MGST1: variants seen among roughly 807,000 people sequenced by gnomAD.
The protein encoded by MGST1 is microsomal glutathione S-transferase 1.
A neutral mutation model predicts 8.9 loss-of-function variants in MGST1; 5 were observed. That is an observed-to-expected ratio of 0.56 (90% CI 0.29 to 1.19). MGST1 has a LOEUF of 1.19. Among genes scored for constraint, MGST1 ranks in the 50% most tolerant of loss-of-function variants. MGST1 has a pLI of 0.08. For synonymous variants in MGST1, 54 were observed against 67.8 expected (o/e 0.80, Z 1.00); for missense variants, 182 against 187.4 (o/e 0.97, Z 0.17).
At chr12:16,579,328 C>T (rs765838881) in intron 4 of MGST1, among the ~76,000 whole-genome samples, 6 of 152,162 alleles carry the variant, frequency 3.9e-5, no homozygotes, top group Non-Finnish European at 7.4e-5. Context: ...AGCTGTGTTT[C>T]ACAAGGAGGT....
intron 3 of MGST1, among the ~76,000 whole-genome samples, chr12:16,358,072 A>G (rs1352220781): frequency 6.6e-6 from 1 of 152,220 alleles, no homozygotes; most frequent in Admixed American, 6.5e-5. Context: ...TTTTTGCATA[A>G]GATTCAAAAT....
At chr12:16,570,825 G>T (rs1201558938) in intron 4 of MGST1, among the ~76,000 whole-genome samples, 1 of 152,054 alleles carries the variant, frequency 6.6e-6, no homozygotes, top group African/African-American at 2.4e-5. Flanking sequence ...AATAGGTAAG[G>T]TATTATTTAA....
chr12:16,564,346 G>A (rs567749394), intron 4 of MGST1, among the ~76,000 whole-genome samples: 2 of 152,176 alleles, frequency 1.3e-5, no homozygotes, highest in Admixed American at 6.5e-5. Flanking sequence ...TTTTAAAGGT[G>A]CCAGAACATT....
At position 16,428,683 on chromosome 12, in the gene MGST1, G is replaced by A. The variant is rs1479036948; in HGVS notation, n.779-8705G>A. ...TGCATTATGTCATTTAGTATTATTG[G>A]TTTTGTTGTATAAAAGTATTTTATT... is the stretch of plus-strand genomic sequence containing the variant. On this transcript the variant is annotated intron_variant and non_coding_transcript_variant, in intron 1 of 1. Coordinates refer to the MGST1 transcript ENST00000359720. 3.3e-5 allele frequency among the ~76,000 whole-genome samples: 5 copies of A among 151,694 alleles called. 1 individual carries two copies. Among genetic ancestry groups the A allele is most frequent in the Admixed American group, 3.3e-4 (5 of 15,244 alleles).
At chr12:16,406,898 A>G (rs1382868734) in intron 1 of MGST1, among the ~76,000 whole-genome samples, 1 of 152,182 alleles carries the variant, frequency 6.6e-6, no homozygotes, top group Non-Finnish European at 1.5e-5. Context: ...GCATACAAAC[A>G]TCGACTCAAG....
At chr12:16,430,551 C>T (rs183211133) in intron 1 of MGST1, among the ~76,000 whole-genome samples, 2 of 152,218 alleles carry the variant, frequency 1.3e-5, no homozygotes, top group Admixed American at 1.3e-4. Context: ...TCTACTTACA[C>T]ATCCATCAGA....
intron 4 of MGST1, among the ~76,000 whole-genome samples, chr12:16,464,737 T>G (rs1941242484): frequency 1.3e-5 from 2 of 152,218 alleles, no homozygotes; most frequent in Non-Finnish European, 2.9e-5. Context: ...GGCATGAGGT[T>G]TTAGGTAATA....
chr12:16,416,294 T>C (rs1019936436), intron 1 of MGST1, among the ~76,000 whole-genome samples: 1 of 152,202 alleles, frequency 6.6e-6, no homozygotes, highest in African/African-American at 2.4e-5. Context: ...TGAATGAAGA[T>C]AGTTTGCAAA....
chr12:16,564,162 C>A (rs368901928), intron 4 of MGST1, among the ~76,000 whole-genome samples: 2 of 152,090 alleles, frequency 1.3e-5, no homozygotes, highest in Non-Finnish European at 2.9e-5. Context: ...TAAAAACAGA[C>A]ATGAATATAA....
chr12:16,456,841 C>A (rs2137119647), intron 4 of MGST1, among the ~76,000 whole-genome samples: 1 of 151,956 alleles, frequency 6.6e-6, no homozygotes, highest in South Asian at 2.1e-4. Context: ...GAAATTCTGT[C>A]AATTCAGCTT....
intron 4 of MGST1, among the ~76,000 whole-genome samples, chr12:16,505,042 G>A (rs935272584): frequency 6.6e-6 from 1 of 151,956 alleles, no homozygotes; most frequent in African/African-American, 2.4e-5. Flanking sequence ...TTCTGTTTCT[G>A]TCTCAACAAA....
In MGST1 at chr12:16,410,940, C is replaced by T. The variant is rs1940737573; in HGVS notation, n.779-26448C>T. Among the ~76,000 whole-genome samples, 1 of 152,098 alleles carries T rather than the reference C, an allele frequency of 6.6e-6. No individual in the cohort carries two copies. Among genetic ancestry groups the T allele is most frequent in the African/African-American group, 2.4e-5 (1 of 41,424 alleles). On this transcript the variant is annotated intron_variant and non_coding_transcript_variant, in intron 1 of 1. Coordinates refer to the MGST1 transcript ENST00000359720. This position sits in a 1 kb window ranked among gnomAD's most constrained non-coding sequence, Gnocchi z 4.4. ...CCTATGTTCAATGTTTTGTGTACCT[C>T]ATATTCCATGCTTTTTTCTGACATG... is the stretch of plus-strand genomic sequence containing the variant.
intron 4 of MGST1, among the ~76,000 whole-genome samples, chr12:16,561,954 T>G (rs1942421715): frequency 6.6e-6 from 1 of 152,242 alleles, no homozygotes; most frequent in Non-Finnish European, 1.5e-5. Context: ...AATTCATAAT[T>G]GTTAGACACT....
At position 16,565,285 on chromosome 12, in the gene MGST1, G is replaced by C. The variant is rs141997095; in HGVS notation, n.483-24243G>C. Among the ~76,000 whole-genome samples the C allele has an allele frequency of 2.4e-4, 36 of 152,318 alleles. No individual in the cohort carries two copies. In the East Asian group the frequency reaches 6.4e-3, roughly 27 times the overall value. On this transcript the variant is annotated intron_variant and non_coding_transcript_variant, in intron 4 of 4. Transcript: ENST00000538857. ...TTTATTGAATATGTTTTGTGGGAAG[G>C]AATGAACATTTTCACAGATTGAAGG...
At chr12:16,460,345 C>G (rs1941208948) in intron 4 of MGST1, among the ~76,000 whole-genome samples, 1 of 152,080 alleles carries the variant, frequency 6.6e-6, no homozygotes, top group African/African-American at 2.4e-5. Flanking sequence ...GGAGAGAGTG[C>G]TTGAAGACTT....
chr12:16,400,040 A>C, intron 1 of MGST1: 1 of 1,574,298 alleles, frequency 6.4e-7, no homozygotes, highest in Non-Finnish European at 8.7e-7. Context: ...GGCACTTCAA[A>C]TTCCAGTTCC....
intron 4 of MGST1, among the ~76,000 whole-genome samples, chr12:16,574,413 G>T (rs1417059304): frequency 6.6e-6 from 1 of 152,102 alleles, no homozygotes; most frequent in African/African-American, 2.4e-5. Context: ...TCACGGATTT[G>T]CTGCTCTCCA....
chr12:16,481,295 C>G (rs537156996), intron 4 of MGST1, among the ~76,000 whole-genome samples: 3 of 152,150 alleles, frequency 2.0e-5, no homozygotes, highest in Non-Finnish European at 2.9e-5. Flanking sequence ...GATAGATGCT[C>G]AGGGGAAGCA....
rs1267414361 is a variant in MGST1 at position 16,363,596 on chromosome 12, AG to A, written c.222-198del. 8 of 399,214 alleles carry A rather than the reference AG, an allele frequency of 2.0e-5. No homozygotes were observed. Among genetic ancestry groups the A allele is most frequent in the Admixed American group, 4.1e-5 (1 of 24,242 alleles). 24.7% of individuals were successfully genotyped at this position (399,214 alleles called of 1,614,324 possible). A position where few individuals can be genotyped will look rare whatever the true frequency, so the allele number is the denominator to read the frequency against. ...ATTTAAAGATACACTAAAAATAAAA[AG>A]AAACAGAAATAATGAGAGATTCTAA... On this transcript the variant is annotated intron_variant, in intron 3 of 3. Transcript: ENST00000396210. This position sits in a 1 kb window ranked among gnomAD's most constrained non-coding sequence, Gnocchi z 4.6.
Sources: allele counts gnomAD v4.1 joint callset (sites outside exome capture counted in the v4.1 genomes callset), GRCh38; gene constraint gnomAD v4.1.1; non-coding constraint Gnocchi (gnomAD v3.1); transcripts MANE v1.5; gene names NCBI Gene and HGNC (gene_info 2026-07-23, HGNC 2026-07-21).